PARD3B: variants seen among roughly 807,000 people sequenced by gnomAD.
The protein encoded by PARD3B is par-3 family cell polarity regulator beta.
PARD3B carries 103 observed loss-of-function variants against 130.2 expected under a neutral mutation model. The ratio of observed to expected loss-of-function variants is 0.79; its 90% CI spans 0.67 to 0.93. The LOEUF (loss-of-function observed/expected upper bound fraction) is 0.93. PARD3B is among the 40% of genes least tolerant of loss of function. The pLI is 0.00. For missense variants in PARD3B, 1,609 were observed against 1,499.2 expected (o/e 1.07, Z -1.21); for synonymous variants, 583 against 553.2 (o/e 1.05, Z -0.76).
intron 18 of PARD3B, among the ~76,000 whole-genome samples, chr2:205,372,452 C>T (rs555655943): frequency 6.6e-6 from 1 of 152,234 alleles, no homozygotes; most frequent in South Asian, 2.1e-4. Context: ...CTCTTGTGCT[C>T]ATTGAAAATT....
At position 205,054,404 on chromosome 2, in the gene PARD3B, T is replaced by TATATATA. The variant is rs1699451825; in HGVS notation, c.504+6714_504+6715insATATATA. Among the ~76,000 whole-genome samples the TATATATA allele has an allele frequency of 2.0e-3, 69 of 33,776 alleles. 4 individuals are homozygous for TATATATA. The highest frequency in any genetic ancestry group is 0.077 in the Middle Eastern group (2 of 26). The allele number at this position is 33,776 out of a possible 152,430, so 22.2% of individuals were successfully genotyped here. A position where few individuals can be genotyped will look rare whatever the true frequency, so the allele number is the denominator to read the frequency against. ...TAACAAGGTAACCATGACATGTCTT[T>TATATATA]TATATATATATATATATATATATAT... On this transcript the variant is annotated intron_variant, in intron 4 of 22. Transcript: ENST00000406610.
chr2:204,648,212 A>G (rs966722921), intron 1 of PARD3B, among the ~76,000 whole-genome samples: 1 of 151,612 alleles, frequency 6.6e-6, no homozygotes, highest in Non-Finnish European at 1.5e-5. Context: ...TTATCATGAG[A>G]ATTTAATCTC....
intron 16 of PARD3B, among the ~76,000 whole-genome samples, chr2:205,273,067 A>G (rs2105805427): frequency 6.6e-6 from 1 of 152,346 alleles, no homozygotes; most frequent in East Asian, 1.9e-4. Flanking sequence ...TTGGAAATAA[A>G]GTAGTTTTCC....
chr2:205,058,239 C>T (rs138855283), intron 4 of PARD3B, among the ~76,000 whole-genome samples: 82 of 151,988 alleles, frequency 5.4e-4, no homozygotes, highest in Middle Eastern at 3.4e-3. Context: ...TAAGCATCAT[C>T]CATGTTGTAG....
intron 2 of PARD3B, among the ~76,000 whole-genome samples, chr2:204,904,800 T>C (rs2046988764): frequency 6.6e-6 from 1 of 152,320 alleles, no homozygotes; most frequent in South Asian, 2.1e-4. Flanking sequence ...CATGTCGTGA[T>C]AGTTTATGTT....
chr2:204,555,931 A>C (rs537168134), intron 1 of PARD3B, among the ~76,000 whole-genome samples: 1 of 152,066 alleles, frequency 6.6e-6, no homozygotes, highest in African/African-American at 2.4e-5. Flanking sequence ...CCCTTCCCTG[A>C]TTTACTTCTA....
intron 1 of PARD3B, among the ~76,000 whole-genome samples, chr2:204,613,514 T>G (rs2034003515): frequency 6.6e-6 from 1 of 152,142 alleles, no homozygotes; most frequent in African/African-American, 2.4e-5. Context: ...AGACACACAG[T>G]TTTTCAGTTG....
chr2:205,023,726 A>G (rs980136229), intron 3 of PARD3B, among the ~76,000 whole-genome samples: 6 of 151,948 alleles, frequency 3.9e-5, no homozygotes, highest in African/African-American at 1.5e-4. Context: ...TGAATTATAT[A>G]TAATTAAGAG....
intron 2 of PARD3B, among the ~76,000 whole-genome samples, chr2:204,866,729 A>G (rs113130558): frequency 2.0e-5 from 3 of 152,124 alleles, no homozygotes; most frequent in African/African-American, 7.2e-5. Flanking sequence ...GTGTGTGTAT[A>G]TATATATTTA....
chr2:205,083,515 C>G (rs1701560788), intron 4 of PARD3B, among the ~76,000 whole-genome samples: 2 of 151,790 alleles, frequency 1.3e-5, no homozygotes, highest in African/African-American at 4.8e-5. Flanking sequence ...ACCATACCCT[C>G]TCTTTGATTT....
intron 3 of PARD3B, among the ~76,000 whole-genome samples, chr2:205,037,915 G>T (rs1391505353): frequency 6.6e-6 from 1 of 152,072 alleles, no homozygotes; most frequent in African/African-American, 2.4e-5. Flanking sequence ...CATGTAAGGG[G>T]CTCATGCAAA....
At chr2:205,392,466 G>C (rs1476832905) in intron 18 of PARD3B, among the ~76,000 whole-genome samples, 1 of 152,112 alleles carries the variant, frequency 6.6e-6, no homozygotes. Flanking sequence ...AAACAGGTTT[G>C]TTGTTTTCAT....
intron 18 of PARD3B, among the ~76,000 whole-genome samples, chr2:205,306,321 TATC>T (rs1431186191): frequency 1.3e-5 from 2 of 152,226 alleles, no homozygotes; most frequent in East Asian, 1.9e-4. Flanking sequence ...CTAATATAGT[TATC>T]ATCATAATTA....
intron 1 of PARD3B, among the ~76,000 whole-genome samples, chr2:204,594,698 C>CT (rs925263089): frequency 6.6e-6 from 1 of 152,032 alleles, no homozygotes; most frequent in Non-Finnish European, 1.5e-5. Flanking sequence ...AGTCATTTTT[C>CT]TTTTTTTTCT....
At chr2:205,239,223 A>G (rs1039160046) in intron 15 of PARD3B, among the ~76,000 whole-genome samples, 11 of 151,872 alleles carry the variant, frequency 7.2e-5, no homozygotes, top group Admixed American at 1.3e-4. Flanking sequence ...TTTTATTTTC[A>G]TGCTACTCCC....
intron 16 of PARD3B, among the ~76,000 whole-genome samples, chr2:205,294,274 A>G (rs1188014603): frequency 1.3e-5 from 2 of 152,158 alleles, no homozygotes; most frequent in South Asian, 2.1e-4. Context: ...TTATATATGT[A>G]TCTTTAGAAA....
At chr2:205,064,390 T>A (rs571936554) in intron 4 of PARD3B, among the ~76,000 whole-genome samples, 3 of 152,248 alleles carry the variant, frequency 2.0e-5, no homozygotes, top group African/African-American at 7.2e-5. Flanking sequence ...TTCCTCCACA[T>A]TGGGGAGACA....
At chr2:204,820,238 A>C (rs1559171057) in intron 2 of PARD3B, among the ~76,000 whole-genome samples, 1 of 150,888 alleles carries the variant, frequency 6.6e-6, no homozygotes, top group Non-Finnish European at 1.5e-5. Context: ...ACCATGCCCA[A>C]TTAATTTTAT....
At chr2:205,497,513 G>A (rs2049978944) in intron 20 of PARD3B, among the ~76,000 whole-genome samples, 1 of 146,752 alleles carries the variant, frequency 6.8e-6, no homozygotes, top group Non-Finnish European at 1.5e-5. Context: ...TTGCTTTTAG[G>A]TACCTCATAT....
Sources: allele counts gnomAD v4.1 joint callset (sites outside exome capture counted in the v4.1 genomes callset), GRCh38; gene constraint gnomAD v4.1.1; transcripts MANE v1.5; gene names NCBI Gene and HGNC (gene_info 2026-07-23, HGNC 2026-07-21).